Variants in KIRREL1 observed in about 807,000 individuals in gnomAD.
KIRREL1 encodes the protein kirre like nephrin family adhesion molecule 1, also known as kin of IRRE-like protein 1.
KIRREL1 carries 25 observed loss-of-function variants against 83.3 expected under a neutral mutation model. The observed-to-expected ratio is 0.30, with a 90% CI of 0.22 to 0.42. The LOEUF is 0.42. Ranked by LOEUF, KIRREL1 falls within the 10% of genes least tolerant of loss-of-function variation. The probability of loss-of-function intolerance (pLI) is 1.00; values close to 1 mark genes in which losing one functional copy is unlikely to be tolerated. For missense variants in KIRREL1, 812 were observed against 1,032.3 expected (o/e 0.79, Z 2.92); for synonymous variants, 388 against 410.4 (o/e 0.95, Z 0.66).
rs73020620 is a variant in KIRREL1 at position 158,034,886 on chromosome 1, T to C, written c.52+41158T>C. Among the ~76,000 whole-genome samples, 534 of 152,352 alleles carry C rather than the reference T, an allele frequency of 3.5e-3. 2 individuals carry two copies. The highest frequency in any genetic ancestry group is 0.012 in the African/African-American group (505 of 41,580). On this transcript the variant is annotated intron_variant, in intron 1 of 14. Transcript: ENST00000359209. ...CGTTTATTTCTCATGCTACCAGATA[T>C]AAATGTGTACTTTTTTTATTGAAGA...
At chr1:158,057,167 G>C (rs1385545050) in intron 1 of KIRREL1, among the ~76,000 whole-genome samples, 1 of 152,164 alleles carries the variant, frequency 6.6e-6, no homozygotes, top group Non-Finnish European at 1.5e-5. Flanking sequence ...CCTGCCCCCA[G>C]CACTGTGGCC....
At chr1:158,029,366 T>TGCGCGC (rs1397956076) in intron 1 of KIRREL1, among the ~76,000 whole-genome samples, 19 of 148,930 alleles carry the variant, frequency 1.3e-4, no homozygotes, top group African/African-American at 4.7e-4. Context: ...TGTGTGTGTG[T>TGCGCGC]GCACGTGCGC....
chr1:158,072,489 A>G (rs1661543598), intron 1 of KIRREL1, among the ~76,000 whole-genome samples: 2 of 152,122 alleles, frequency 1.3e-5, no homozygotes, highest in Admixed American at 1.3e-4. Context: ...TGTGGGCCCT[A>G]CTACAGCAGA....
At chr1:158,008,959 G>T (rs1659596913) in intron 1 of KIRREL1, among the ~76,000 whole-genome samples, 1 of 152,126 alleles carries the variant, frequency 6.6e-6, no homozygotes, top group Admixed American at 6.5e-5. Context: ...CTCCCCTCTG[G>T]ACCCAGCAGA....
intron 1 of KIRREL1, among the ~76,000 whole-genome samples, chr1:158,070,879 G>A (rs555568058): frequency 2.3e-4 from 35 of 152,200 alleles, no homozygotes; most frequent in Admixed American, 2.6e-4. Context: ...GGGTCCCTCT[G>A]TGCTCCTCTC....
chr1:158,039,890 G>A (rs915774118), intron 1 of KIRREL1, among the ~76,000 whole-genome samples: 70 of 152,184 alleles, frequency 4.6e-4, no homozygotes, highest in African/African-American at 1.5e-3. Context: ...CCACCTCTGG[G>A]CGTTGTTGTT....
At chr1:158,011,453 C>G (rs1297236861) in intron 1 of KIRREL1, among the ~76,000 whole-genome samples, 2 of 152,162 alleles carry the variant, frequency 1.3e-5, no homozygotes, top group African/African-American at 4.8e-5. Flanking sequence ...GAACCGGAAG[C>G]TGGGAGAAGC....
chr1:157,997,020 C>A (rs78357276), intron 1 of KIRREL1, among the ~76,000 whole-genome samples: 5 of 152,158 alleles, frequency 3.3e-5, no homozygotes, highest in Non-Finnish European at 5.9e-5. Flanking sequence ...CCTCTGCCCC[C>A]CTAGGACCTC....
intron 1 of KIRREL1, among the ~76,000 whole-genome samples, chr1:158,068,028 A>T (rs1661403771): frequency 6.6e-6 from 1 of 152,132 alleles, no homozygotes; most frequent in African/African-American, 2.4e-5. Context: ...AGCTGCTTGG[A>T]TGAGGGAGGA....
At chr1:157,997,727 C>T (rs552105619) in intron 1 of KIRREL1, among the ~76,000 whole-genome samples, 21 of 152,148 alleles carry the variant, frequency 1.4e-4, no homozygotes, top group African/African-American at 4.1e-4. Flanking sequence ...GGACACTAGC[C>T]CCGAGGTGGC....
intron 1 of KIRREL1, among the ~76,000 whole-genome samples, chr1:157,996,088 A>C: frequency 1.6e-5 from 2 of 122,400 alleles, no homozygotes; most frequent in South Asian, 3.2e-4. Context: ...GGGAATAGGG[A>C]TGGGGGAGTA....
intron 1 of KIRREL1, among the ~76,000 whole-genome samples, chr1:158,001,252 C>T (rs1249102176): frequency 6.6e-6 from 1 of 152,138 alleles, no homozygotes; most frequent in Non-Finnish European, 1.5e-5. Flanking sequence ...GTGCTGGGCT[C>T]CAGTGTTGCA....
At chr1:158,063,512 G>A (rs1289352211) in intron 1 of KIRREL1, among the ~76,000 whole-genome samples, 1 of 152,114 alleles carries the variant, frequency 6.6e-6, no homozygotes, top group African/African-American at 2.4e-5. Context: ...TAGTCTTTCA[G>A]CACTTATTTG....
At chr1:158,022,378 C>T (rs1432743074) in intron 1 of KIRREL1, among the ~76,000 whole-genome samples, 1 of 152,184 alleles carries the variant, frequency 6.6e-6, no homozygotes, top group Non-Finnish European at 1.5e-5. Flanking sequence ...TAGAGGTAAT[C>T]TGTTCTATGA....
At chr1:158,077,653 C>T (rs549581192) in intron 2 of KIRREL1, among the ~76,000 whole-genome samples, 34 of 152,338 alleles carry the variant, frequency 2.2e-4, no homozygotes, top group African/African-American at 7.0e-4. Context: ...CACACTCGCT[C>T]TCCCTCTCTC....
In KIRREL1 at chr1:158,094,954, C is replaced by T; in HGVS notation, c.2108C>T (p.Thr703Ile). ...HPFPGAAGYPTYRLGYPQAPP... is the reference protein window; with the variant it reads ...HPFPGAAGYPIYRLGYPQAPP... ...TTCCCTGGGGCAGCTGGGTACCCCA[C>T]CTACCGACTGGGCTACCCCCAGGCC... Residue 703 changes from threonine to isoleucine, a missense_variant, in exon 15 of 15, where the codon ACC (threonine) becomes ATC (isoleucine). By Grantham distance (89) the Thr-to-Ile change is moderately conservative (BLOSUM62 -1). This residue lies in a region of KIRREL1 where 334 missense variants were observed against 383.7 expected (regional missense o/e 0.87). Transcript: ENST00000359209. The surrounding 1 kb of genome is among the most constrained non-coding windows in gnomAD (Gnocchi z 4.6). 1 of 1,614,040 alleles carries T rather than the reference C, an allele frequency of 6.2e-7. No individual in the cohort carries two copies. Among genetic ancestry groups the T allele is most frequent in the Non-Finnish European group, 8.5e-7 (1 of 1,179,982 alleles).
intron 1 of KIRREL1, among the ~76,000 whole-genome samples, chr1:158,037,488 G>GCAA (rs1356781086): frequency 4.0e-4 from 37 of 93,378 alleles, no homozygotes; most frequent in African/African-American, 1.5e-3. Flanking sequence ...CAAGACTCTG[G>GCAA]CAAAAAAAAA....
At chr1:158,035,867 T>C (rs6690504) in intron 1 of KIRREL1, among the ~76,000 whole-genome samples, 133,748 of 152,148 alleles carry the variant, frequency 0.88, 59,162 homozygotes, top group Non-Finnish European at 0.93. Context: ...GGGAGGAACA[T>C]ACCTTTGCCC....
intron 1 of KIRREL1, among the ~76,000 whole-genome samples, chr1:158,061,362 A>G (rs1661210978): frequency 6.6e-6 from 1 of 152,198 alleles, no homozygotes; most frequent in Non-Finnish European, 1.5e-5. Flanking sequence ...GACCAGGGAC[A>G]ACAGAGGCGG....
Sources: allele counts gnomAD v4.1 joint callset (sites outside exome capture counted in the v4.1 genomes callset), GRCh38; gene constraint gnomAD v4.1.1; regional missense constraint gnomAD v4.1.1; non-coding constraint Gnocchi (gnomAD v3.1); transcripts MANE v1.5; gene names NCBI Gene and HGNC (gene_info 2026-07-23, HGNC 2026-07-21).